The following BRCA1 variants were observed in gnomAD, a reference collection of about 807,000 sequenced individuals.
BRCA1 encodes BRCA1 DNA repair associated.
In BRCA1, 140 loss-of-function variants were observed where a neutral mutation model predicts 173.7. The ratio of observed to expected loss-of-function variants is 0.81; its 90% CI spans 0.70 to 0.93. BRCA1 has a LOEUF of 0.93. Ranked by LOEUF, BRCA1 falls within the 40% of genes least tolerant of loss-of-function variation. BRCA1 has a pLI of 0.00. For synonymous variants in BRCA1, 662 were observed against 756.0 expected (o/e 0.88, Z 2.04); for missense variants, 1,983 against 2,172.5 (o/e 0.91, Z 1.73).
chr17:43,146,754 TCTC>T (rs1185523612), intron 1 of BRCA1, among the ~76,000 whole-genome samples: 3 of 152,136 alleles, frequency 2.0e-5, no homozygotes, highest in Admixed American at 1.3e-4. Context: ...CACTCTGTGT[TCTC>T]CTCCTAGGGC....
intron 13 of BRCA1, among the ~76,000 whole-genome samples, chr17:43,076,148 T>C (rs1195767655): frequency 6.6e-6 from 1 of 151,976 alleles, no homozygotes; most frequent in African/African-American, 2.4e-5. Flanking sequence ...ACAGCTAGAC[T>C]TTTTCTAGAA....
chr17:43,111,604 G>A (rs937021932), intron 3 of BRCA1, among the ~76,000 whole-genome samples: 6 of 151,758 alleles, frequency 4.0e-5, no homozygotes, highest in African/African-American at 1.2e-4. Flanking sequence ...GGCAGATCAC[G>A]AGGTCAGGAG....
At chr17:43,152,821 C>T (rs1009889404) in intron 1 of BRCA1, among the ~76,000 whole-genome samples, 2 of 151,934 alleles carry the variant, frequency 1.3e-5, no homozygotes, top group Admixed American at 6.6e-5. Flanking sequence ...CGCCACTGTA[C>T]TCCAGCACTC....
intron 11 of BRCA1, among the ~76,000 whole-genome samples, chr17:43,083,402 C>T (rs1047584750): frequency 1.3e-5 from 2 of 152,110 alleles, no homozygotes; most frequent in African/African-American, 2.4e-5. Flanking sequence ...GTGATCAGCC[C>T]GCCTCGGCCT....
rs142831199 is a variant in BRCA1, at chr17:43,121,231, C to T, written c.80+2786G>A. ...TCTACTAAAAATACAAAAAATTAGC[C>T]GGGCATAGTGGTGGGCGCCTGTAGT... On this transcript the variant is annotated intron_variant, in intron 2 of 22. Coordinates refer to ENST00000357654, the MANE Select transcript of BRCA1 (RefSeq NM_007294.4). Among the ~76,000 whole-genome samples the T allele has an allele frequency of 0.036, 5,466 of 151,588 alleles. 329 individuals are homozygous for T. Among genetic ancestry groups the T allele is most frequent in the African/African-American group, 0.12 (5,095 of 41,256 alleles).
At chr17:43,139,098 G>A (rs2056053532) in intron 1 of BRCA1, among the ~76,000 whole-genome samples, 1 of 151,940 alleles carries the variant, frequency 6.6e-6, no homozygotes, top group Admixed American at 6.6e-5. Flanking sequence ...TATACATTTG[G>A]TCTCTGCCCC....
rs2053734181 is a variant in BRCA1, at chr17:43,092,946, T to C, written c.2585A>G (p.Lys862Arg). ...AGCAAATGACTGGCGCTTTGAAACCTTGAATGTATTCTGCAAATACTGAGC... is the reference window on the plus strand; with the variant it reads ...AGCAAATGACTGGCGCTTTGAAACCCTGAATGTATTCTGCAAATACTGAGC... ...LDAQYLQNTF[K>R]VSKRQSFAPF... The change falls in exon 10 of 23, where the codon AAG becomes AGG. Residue 862 changes from lysine to arginine, a missense_variant. Transcript: ENST00000357654. 1 of 1,613,842 alleles carries C rather than the reference T, an allele frequency of 6.2e-7. No individual in the cohort carries two copies. The highest frequency in any genetic ancestry group is 8.5e-7 in the Non-Finnish European group (1 of 1,179,952).
chr17:43,128,080 C>G (rs1173024561), upstream of BRCA1, among the ~76,000 whole-genome samples: 1 of 151,492 alleles, frequency 6.6e-6, no homozygotes, highest in Non-Finnish European at 1.5e-5. Context: ...CAGCAGCAAC[C>G]CGCTCTGGTC....
intron 1 of BRCA1, chr17:43,170,116 T>C: frequency 3.5e-6 from 1 of 289,750 alleles, no homozygotes; most frequent in Non-Finnish European, 7.1e-6. Flanking sequence ...CCGGACGCGG[T>C]GCTACTCACC....
chr17:43,065,728 A>C (rs1433684677), intron 16 of BRCA1, among the ~76,000 whole-genome samples: 2 of 152,118 alleles, frequency 1.3e-5, no homozygotes, highest in Non-Finnish European at 2.9e-5. Context: ...CATCCAGAGA[A>C]CTAATTTTGT....
intron 1 of BRCA1, chr17:43,138,284 A>G (rs959560186): frequency 1.3e-5 from 3 of 239,710 alleles, no homozygotes; most frequent in East Asian, 2.1e-4. Flanking sequence ...AATGAGAGCT[A>G]TGTTTTCTCC....
intron 2 of BRCA1, among the ~76,000 whole-genome samples, chr17:43,120,301 C>A (rs1235282345): frequency 2.6e-5 from 4 of 152,210 alleles, no homozygotes; most frequent in South Asian, 2.1e-4. Context: ...AGGCTGAAAA[C>A]CTTACCTACC....
chr17:43,100,686 T>TAACATATATATATATATATATAAA (rs1567807839), intron 6 of BRCA1, among the ~76,000 whole-genome samples: 2 of 17,420 alleles, frequency 1.1e-4, no homozygotes, highest in African/African-American at 2.2e-4. Context: ...ATAATATATA[T>TAACATATATATATATATATATAAA]ATATATATAT....
At chr17:43,060,978 G>A (rs1013098854) in intron 18 of BRCA1, among the ~76,000 whole-genome samples, 1 of 152,024 alleles carries the variant, frequency 6.6e-6, no homozygotes, top group South Asian at 2.1e-4. Flanking sequence ...ATAAAAACTA[G>A]TCGGGTGTGG....
intron 6 of BRCA1, among the ~76,000 whole-genome samples, chr17:43,102,548 G>A (rs1381662844): frequency 6.6e-6 from 1 of 151,466 alleles, no homozygotes; most frequent in Non-Finnish European, 1.5e-5. Context: ...GTAGAGACCG[G>A]GTTTCACCAT....
intron 1 of BRCA1, among the ~76,000 whole-genome samples, chr17:43,137,729 T>C (rs2056038874): frequency 6.6e-6 from 1 of 152,038 alleles, no homozygotes; most frequent in Non-Finnish European, 1.5e-5. Flanking sequence ...ATATAAAAAT[T>C]AGCCGGGCAT....
intron 16 of BRCA1, among the ~76,000 whole-genome samples, chr17:43,065,095 G>A (rs977789255): frequency 1.3e-5 from 2 of 152,110 alleles, no homozygotes; most frequent in Admixed American, 1.3e-4. Flanking sequence ...CCCCCAAAGC[G>A]CTGGGATTAC....
At chr17:43,058,379 A>AACAC (rs745316469) in intron 18 of BRCA1, among the ~76,000 whole-genome samples, 18 of 150,076 alleles carry the variant, frequency 1.2e-4, no homozygotes, top group Non-Finnish European at 2.2e-4. Context: ...GCTAAAAAAA[A>AACAC]ACACACACAC....
intron 1 of BRCA1, among the ~76,000 whole-genome samples, chr17:43,147,425 G>A (rs564279618): frequency 9.2e-4 from 140 of 152,220 alleles, no homozygotes; most frequent in African/African-American, 3.3e-3. Flanking sequence ...TCCTGACCTC[G>A]TGATCTGCCC....
Sources: gnomAD v4.1 joint callset for allele counts (sites outside exome capture counted in the v4.1 genomes callset) on GRCh38, gnomAD v4.1.1 for gene constraint, MANE v1.5 for transcripts, NCBI Gene and HGNC (gene_info 2026-07-23, HGNC 2026-07-21) for gene names.